The following CD226 variants were observed in gnomAD, a reference collection of about 807,000 sequenced individuals.
The protein encoded by CD226 is CD226 antigen.
CD226 carries 24 observed loss-of-function variants against 34.9 expected under a neutral mutation model. The ratio of observed to expected loss-of-function variants is 0.69; its 90% CI spans 0.50 to 0.97. CD226 has a LOEUF of 0.97. Ranked by LOEUF, CD226 falls within the 50% of genes least tolerant of loss-of-function variation. The pLI is 0.00. For missense variants in CD226, 397 were observed against 412.7 expected, an observed-to-expected ratio of 0.96 and a Z score of 0.33; for synonymous variants, 148 against 147.4, an observed-to-expected ratio of 1.00 and a Z score of -0.03.
At chr18:69,898,357 C>G (rs1985420814) in intron 2 of CD226, among the ~76,000 whole-genome samples, 1 of 152,166 alleles carries the variant, frequency 6.6e-6, no homozygotes, top group Non-Finnish European at 1.5e-5. Context: ...CGTCCAATCT[C>G]AGGAGTTTCC....
upstream of CD226, chr18:69,957,014 A>G (rs1047538735): frequency 2.0e-5 from 3 of 152,186 alleles, no homozygotes; most frequent in Non-Finnish European, 4.4e-5. Context: ...GTGAATCACT[A>G]ATATTTCATG....
intron 2 of CD226, among the ~76,000 whole-genome samples, chr18:69,939,691 G>C (rs183035808): frequency 4.6e-5 from 7 of 152,276 alleles, no homozygotes; most frequent in African/African-American, 1.7e-4. Context: ...CAGGTATGAT[G>C]GTTAATTTTA....
chr18:69,896,433 G>A (rs553272672), intron 2 of CD226, among the ~76,000 whole-genome samples: 19 of 152,204 alleles, frequency 1.2e-4, no homozygotes, highest in Admixed American at 2.0e-4. Context: ...CGCCCACCTC[G>A]GCCTCCCAAA....
At chr18:69,911,617 T>C (rs2055326117) in intron 2 of CD226, among the ~76,000 whole-genome samples, 1 of 152,180 alleles carries the variant, frequency 6.6e-6, no homozygotes, top group Non-Finnish European at 1.5e-5. Context: ...CATATAAGTT[T>C]GGAATAATAC....
intron 3 of CD226, among the ~76,000 whole-genome samples, chr18:69,894,235 C>T (rs1985071632): frequency 6.7e-6 from 1 of 148,612 alleles, no homozygotes; most frequent in Admixed American, 6.7e-5. Flanking sequence ...AAAAAAATCA[C>T]TTTTTCTCAC....
chr18:69,910,142 T>C (rs930142370), intron 2 of CD226, among the ~76,000 whole-genome samples: 4 of 152,234 alleles, frequency 2.6e-5, no homozygotes, highest in Non-Finnish European at 5.9e-5. Flanking sequence ...GTAAATGTTG[T>C]TTTGATACTC....
chr18:69,910,307 T>C (rs1438933654), intron 2 of CD226, among the ~76,000 whole-genome samples: 1 of 152,186 alleles, frequency 6.6e-6, no homozygotes, highest in Non-Finnish European at 1.5e-5. Flanking sequence ...CTTAACCACA[T>C]GATGGAGACC....
chr18:69,931,271 T>C (rs1234866631), intron 2 of CD226, among the ~76,000 whole-genome samples: 1 of 151,908 alleles, frequency 6.6e-6, no homozygotes, highest in Non-Finnish European at 1.5e-5. Flanking sequence ...TTAGGAGATA[T>C]ACCTAATGCT....
At chr18:69,902,697 C>T (rs977547320) in intron 2 of CD226, among the ~76,000 whole-genome samples, 1 of 151,902 alleles carries the variant, frequency 6.6e-6, no homozygotes, top group Non-Finnish European at 1.5e-5. Flanking sequence ...TCAATAGCGC[C>T]TGCTCAGTCA....
At chr18:69,953,142 C>T (rs191798589) in intron 1 of CD226, among the ~76,000 whole-genome samples, 24 of 152,304 alleles carry the variant, frequency 1.6e-4, no homozygotes, top group Admixed American at 1.3e-3. Context: ...AATGATGCAG[C>T]TGCTGTGAAG....
At chr18:69,957,557 T>A (rs910388183), upstream of CD226, among the ~76,000 whole-genome samples, 3 of 151,706 alleles carry the variant, frequency 2.0e-5, no homozygotes, top group Non-Finnish European at 4.4e-5. Flanking sequence ...CCATGAAGGA[T>A]TGTGGCTGAG....
At chr18:69,953,767 A>C (rs2055873343) in intron 1 of CD226, among the ~76,000 whole-genome samples, 1 of 152,178 alleles carries the variant, frequency 6.6e-6, no homozygotes, top group Admixed American at 6.5e-5. Context: ...TGGGAGGCCA[A>C]GGCAGGTGGA....
intron 3 of CD226, 119 bp from the exon 4 acceptor site, chr18:69,873,365 CA>C (rs1032127197): frequency 2.8e-4 from 160 of 573,578 alleles, no homozygotes; most frequent in Middle Eastern, 8.7e-4. Flanking sequence ...AAGAATCCAA[CA>C]AAAAAAATAG....
intron 5 of CD226, among the ~76,000 whole-genome samples, chr18:69,866,463 A>G (rs1218894419): frequency 1.3e-5 from 2 of 152,182 alleles, no homozygotes; most frequent in Non-Finnish European, 2.9e-5. Flanking sequence ...AAACTTTTAC[A>G]GCTCATCAAA....
chr18:69,877,929 T>C (rs2145201579), intron 3 of CD226, among the ~76,000 whole-genome samples: 1 of 152,294 alleles, frequency 6.6e-6, no homozygotes, highest in East Asian at 1.9e-4. Context: ...GTAGCTGACA[T>C]GGCTTCTCAG....
chr18:69,906,795 G>A (rs1309999794), intron 2 of CD226, among the ~76,000 whole-genome samples: 2 of 152,174 alleles, frequency 1.3e-5, no homozygotes, highest in Non-Finnish European at 2.9e-5. Context: ...CAAACACCCT[G>A]CAATGCAGGG....
intron 2 of CD226, among the ~76,000 whole-genome samples, chr18:69,944,938 A>G (rs986378933): frequency 1.3e-5 from 2 of 152,248 alleles, no homozygotes; most frequent in African/African-American, 4.8e-5. Context: ...CCTAAAGAGA[A>G]AGGGAAAACT....
chr18:69,875,626 T>C (rs1049837264), intron 3 of CD226, among the ~76,000 whole-genome samples: 1 of 152,244 alleles, frequency 6.6e-6, no homozygotes, highest in African/African-American at 2.4e-5. Flanking sequence ...TGATTTGCAT[T>C]TCCCTGATGA....
chr18:69,960,107 G>A (rs1021309737), upstream of CD226, among the ~76,000 whole-genome samples: 7 of 152,102 alleles, frequency 4.6e-5, no homozygotes, highest in East Asian at 1.2e-3. Context: ...AGTTGTGGTG[G>A]TGCACGTCTG....
Sources: allele counts gnomAD v4.1 joint callset (sites outside exome capture counted in the v4.1 genomes callset), GRCh38; gene constraint gnomAD v4.1.1; transcripts MANE v1.5; gene names NCBI Gene and HGNC (gene_info 2026-07-23, HGNC 2026-07-21).